The following MYT1L variants were observed in gnomAD, a reference collection of about 807,000 sequenced individuals.
The protein encoded by MYT1L is myelin transcription factor 1 like.
A neutral mutation model predicts 126.7 loss-of-function variants in MYT1L; 12 were observed. The ratio of observed to expected loss-of-function variants is 0.09; its 90% CI spans 0.06 to 0.15. The LOEUF (loss-of-function observed/expected upper bound fraction) is 0.15. Ranked by LOEUF, MYT1L falls within the 10% of genes least tolerant of loss-of-function variation. MYT1L has a pLI of 1.00. For synonymous variants in MYT1L, 541 were observed against 604.2 expected, an observed-to-expected ratio of 0.90 and a Z score of 1.53; for missense variants, 979 against 1,585.2, an observed-to-expected ratio of 0.62 and a Z score of 6.49.
intron 2 of MYT1L, among the ~76,000 whole-genome samples, chr2:2,280,889 G>C (rs929346619): frequency 6.6e-6 from 1 of 152,198 alleles, no homozygotes; most frequent in Non-Finnish European, 1.5e-5. Flanking sequence ...CTGATGAAGT[G>C]ACTGAGGCTT....
intron 19 of MYT1L, among the ~76,000 whole-genome samples, chr2:1,849,463 A>T (rs1344263717): frequency 6.6e-6 from 1 of 152,202 alleles, no homozygotes; most frequent in African/African-American, 2.4e-5. Flanking sequence ...GTGAAGCCAC[A>T]TCAATGTCAT....
At chr2:1,794,306 G>A (rs114118465) in intron 23 of MYT1L, among the ~76,000 whole-genome samples, 3,268 of 152,364 alleles carry the variant, frequency 0.021, 112 homozygotes, top group African/African-American at 0.073. Flanking sequence ...AGCCCAGCTC[G>A]CCTCTGGTTG....
At chr2:1,972,018 A>C (rs2059846994) in intron 8 of MYT1L, among the ~76,000 whole-genome samples, 1 of 152,224 alleles carries the variant, frequency 6.6e-6, no homozygotes, top group Non-Finnish European at 1.5e-5. Context: ...TGAATAGTAC[A>C]AGGACGGGCG....
At chr2:2,127,675 G>A (rs2147978120) in intron 3 of MYT1L, among the ~76,000 whole-genome samples, 1 of 152,282 alleles carries the variant, frequency 6.6e-6, no homozygotes, top group East Asian at 1.9e-4. Flanking sequence ...GTCTGTGTCT[G>A]GACTGAGCTC....
At chr2:1,799,856 TAGTG>T (rs2034502391) in intron 23 of MYT1L, among the ~76,000 whole-genome samples, 2 of 152,172 alleles carry the variant, frequency 1.3e-5, no homozygotes, top group African/African-American at 2.4e-5. Flanking sequence ...GTCCTCATGA[TAGTG>T]AGTGAGTCTC....
intron 3 of MYT1L, among the ~76,000 whole-genome samples, chr2:2,139,327 G>A (rs1289539111): frequency 6.6e-6 from 1 of 152,018 alleles, no homozygotes; most frequent in Admixed American, 6.6e-5. Flanking sequence ...ACAAATGAAT[G>A]TGCATGTCCA....
At chr2:1,871,700 T>A (rs967678833) in intron 18 of MYT1L, among the ~76,000 whole-genome samples, 1 of 152,146 alleles carries the variant, frequency 6.6e-6, no homozygotes, top group African/African-American at 2.4e-5. Flanking sequence ...GTCCTCAGCC[T>A]CTTCAGGGCC....
chr2:1,984,977 C>A (rs957379733), intron 5 of MYT1L, among the ~76,000 whole-genome samples: 1 of 152,150 alleles, frequency 6.6e-6, no homozygotes, highest in Non-Finnish European at 1.5e-5. Flanking sequence ...GTCCTCCTAA[C>A]CCGAGTCTCT....
chr2:2,329,221 T>C (rs1427009080), intron 1 of MYT1L, among the ~76,000 whole-genome samples: 1 of 145,758 alleles, frequency 6.9e-6, no homozygotes, highest in Non-Finnish European at 1.5e-5. Flanking sequence ...ATCACATTAA[T>C]GAGATTAATC....
intron 4 of MYT1L, among the ~76,000 whole-genome samples, chr2:2,019,782 G>A (rs867351180): frequency 3.3e-5 from 5 of 151,826 alleles, no homozygotes; most frequent in Admixed American, 6.6e-5. Flanking sequence ...TACCATAAAT[G>A]TTATACTGTA....
chr2:1,967,133 G>A (rs764124775), intron 8 of MYT1L, among the ~76,000 whole-genome samples: 10 of 152,130 alleles, frequency 6.6e-5, no homozygotes, highest in Non-Finnish European at 1.0e-4. Context: ...ATCATTTCTA[G>A]TCCTCGCTTT....
At chr2:2,211,818 A>AC (rs1169309186) in intron 2 of MYT1L, among the ~76,000 whole-genome samples, 10 of 149,674 alleles carry the variant, frequency 6.7e-5, no homozygotes, top group South Asian at 2.1e-4. Flanking sequence ...AAAAAAAAAA[A>AC]AAACCAAACA....
At position 1,878,103 on chromosome 2, in the gene MYT1L, C is replaced by T. The variant is rs146470137; in HGVS notation, c.2711+8436G>A. 6.2e-3 allele frequency among the ~76,000 whole-genome samples: 947 copies of T among 152,334 alleles called. 5 individuals are homozygous for T. Among genetic ancestry groups the T allele is most frequent in the Middle Eastern group, 0.024 (7 of 294 alleles). ...GATTAACTAAATGTGAATTTCTGCC[C>T]ATGCTTGAAAGTAATCAAGTTGCAT... On this transcript the variant is annotated intron_variant, in intron 18 of 24. Transcript: ENST00000647738.
At chr2:2,170,977 A>C (rs2089974326) in intron 3 of MYT1L, among the ~76,000 whole-genome samples, 1 of 152,126 alleles carries the variant, frequency 6.6e-6, no homozygotes, top group African/African-American at 2.4e-5. Context: ...TCTTGCTCTT[A>C]TTATTATCTA....
At chr2:2,065,509 C>T (rs191936653) in intron 3 of MYT1L, among the ~76,000 whole-genome samples, 109 of 152,206 alleles carry the variant, frequency 7.2e-4, no homozygotes, top group African/African-American at 2.5e-3. Context: ...TCATTTTAAA[C>T]TCTTCATCCC....
chr2:2,088,555 T>C (rs912822185), intron 3 of MYT1L, among the ~76,000 whole-genome samples: 2 of 151,948 alleles, frequency 1.3e-5, no homozygotes, highest in South Asian at 2.1e-4. Context: ...ATGAGGCTGA[T>C]GGAGCCTGTG....
At chr2:2,084,661 G>A (rs1206246575) in intron 3 of MYT1L, among the ~76,000 whole-genome samples, 2 of 152,194 alleles carry the variant, frequency 1.3e-5, no homozygotes, top group Non-Finnish European at 2.9e-5. Flanking sequence ...GTGACCATGG[G>A]CTGCAGCCTG....
intron 2 of MYT1L, among the ~76,000 whole-genome samples, chr2:2,274,399 G>T (rs190459083): frequency 6.6e-6 from 1 of 152,198 alleles, no homozygotes; most frequent in East Asian, 1.9e-4. Context: ...GGGCAGGTGG[G>T]TTAATGCATT....
intron 14 of MYT1L, among the ~76,000 whole-genome samples, chr2:1,892,637 C>T (rs1364660545): frequency 1.3e-5 from 2 of 151,986 alleles, no homozygotes; most frequent in African/African-American, 4.8e-5. Context: ...TTAGGAGCCG[C>T]AGGGTGTAGG....
Sources: allele counts gnomAD v4.1 joint callset (sites outside exome capture counted in the v4.1 genomes callset), GRCh38; gene constraint gnomAD v4.1.1; transcripts MANE v1.5; gene names NCBI Gene and HGNC (gene_info 2026-07-23, HGNC 2026-07-21).